Variants in CDA observed in about 807,000 individuals in gnomAD.
CDA encodes cytidine deaminase.
CDA carries 7 observed loss-of-function variants against 15.0 expected under a neutral mutation model. The ratio of observed to expected loss-of-function variants is 0.47; its 90% CI spans 0.26 to 0.87. The LOEUF is 0.87. Ranked by LOEUF, CDA falls within the 40% of genes least tolerant of loss-of-function variation. The probability of loss-of-function intolerance (pLI) is 0.15; values close to 1 mark genes in which losing one functional copy is unlikely to be tolerated. For missense variants in CDA, 159 were observed against 182.7 expected, an observed-to-expected ratio of 0.87 and a Z score of 0.75; for synonymous variants, 58 against 73.0, an observed-to-expected ratio of 0.79 and a Z score of 1.05.
chr1:20,593,106 C>A (rs1452005524), intron 1 of CDA, among the ~76,000 whole-genome samples: 1 of 152,034 alleles, frequency 6.6e-6, no homozygotes, highest in African/African-American at 2.4e-5. Flanking sequence ...AAATAAAAAA[C>A]AAAATAAGAA....
At chr1:20,594,052 A>G (rs1040255542) in intron 1 of CDA, among the ~76,000 whole-genome samples, 1 of 152,206 alleles carries the variant, frequency 6.6e-6, no homozygotes, top group Non-Finnish European at 1.5e-5. Context: ...CTGAGTTTAG[A>G]CACTGTGAGT....
chr1:20,609,867 G>C (rs994149162), intron 2 of CDA, among the ~76,000 whole-genome samples: 1 of 152,120 alleles, frequency 6.6e-6, no homozygotes, highest in African/African-American at 2.4e-5. Context: ...TGTGCCCGTG[G>C]GTTTTTCTTC....
At chr1:20,593,500 T>C (rs1478899882) in intron 1 of CDA, among the ~76,000 whole-genome samples, 1 of 152,156 alleles carries the variant, frequency 6.6e-6, no homozygotes, top group East Asian at 1.9e-4. Context: ...CAGGTCTCTT[T>C]CTCTTGTCCT....
intron 2 of CDA, among the ~76,000 whole-genome samples, chr1:20,609,384 G>A (rs903527708): frequency 6.6e-6 from 1 of 152,168 alleles, no homozygotes; most frequent in Non-Finnish European, 1.5e-5. Context: ...TACTCAGGAG[G>A]CTGAGGCAGG....
At chr1:20,596,124 G>A (rs1228728566) in intron 1 of CDA, among the ~76,000 whole-genome samples, 1 of 152,110 alleles carries the variant, frequency 6.6e-6, no homozygotes, top group Non-Finnish European at 1.5e-5. Context: ...ACTCCAGCCT[G>A]GGTAACAAGA....
At chr1:20,606,062 G>T (rs2052692879) in intron 2 of CDA, among the ~76,000 whole-genome samples, 1 of 125,354 alleles carries the variant, frequency 8.0e-6, no homozygotes, top group Non-Finnish European at 1.8e-5. Context: ...TGGCCCCAAG[G>T]AGACCCAGCT....
chr1:20,612,025 G>T (rs1240542206), intron 2 of CDA, among the ~76,000 whole-genome samples: 2 of 151,870 alleles, frequency 1.3e-5, no homozygotes, highest in Non-Finnish European at 2.9e-5. Flanking sequence ...ACCACACCTG[G>T]CTAATTTTTT....
At position 20,601,939 on chromosome 1, in the gene CDA, G is replaced by A. The variant is rs1013239875; in HGVS notation, c.155-2989G>A. 2.0e-5 allele frequency among the ~76,000 whole-genome samples: 3 copies of A among 151,938 alleles called. No homozygotes were observed. The East Asian group carries it at 5.8e-4, about 29-fold the overall frequency. On this transcript the variant is annotated intron_variant, in intron 1 of 3. Transcript: ENST00000375071. Reference sequence around the variant, plus strand: ...AGCCCAAGAGTTTGAGACTGGCCTGGGCAACCCCATCTCTACAAAAAAATA... The same window carrying A: ...AGCCCAAGAGTTTGAGACTGGCCTGAGCAACCCCATCTCTACAAAAAAATA...
chr1:20,594,380 G>A (rs896640951), intron 1 of CDA, among the ~76,000 whole-genome samples: 5 of 152,086 alleles, frequency 3.3e-5, no homozygotes, highest in Admixed American at 6.5e-5. Context: ...GGGGAGAGCC[G>A]AGGGAGAGGT....
chr1:20,595,119 C>A (rs889180490), intron 1 of CDA, among the ~76,000 whole-genome samples: 1 of 152,160 alleles, frequency 6.6e-6, no homozygotes, highest in South Asian at 2.1e-4. Flanking sequence ...GAGGGTTTAT[C>A]TTCTTCAGCT....
intron 3 of CDA, among the ~76,000 whole-genome samples, chr1:20,616,711 C>T (rs890555994): frequency 2.0e-5 from 3 of 152,130 alleles, no homozygotes; most frequent in Non-Finnish European, 4.4e-5. Flanking sequence ...AAACTGAAAC[C>T]AAATGCAAAT....
At chr1:20,589,433 C>T (rs2052528555) in intron 1 of CDA, 150 bp downstream of exon 1, 2 of 771,486 alleles carry the variant, frequency 2.6e-6, no homozygotes, top group Non-Finnish European at 4.2e-6. Flanking sequence ...TGTTCCTACC[C>T]TGCCGACTGC....
At chr1:20,613,543 A>G (rs1369196243) in intron 2 of CDA, among the ~76,000 whole-genome samples, 1 of 152,222 alleles carries the variant, frequency 6.6e-6, no homozygotes, top group Non-Finnish European at 1.5e-5. Flanking sequence ...GGTTTTTTAC[A>G]TAACAGAGAC....
At chr1:20,614,008 C>G (rs2052780140) in intron 3 of CDA, 109 bp downstream of exon 3, 4 of 967,990 alleles carry the variant, frequency 4.1e-6, no homozygotes, top group Non-Finnish European at 6.6e-6. Context: ...GGAGACACAG[C>G]TACTGTCCTG....
chr1:20,610,274 ATTTTATTTTATTTTTATT>A (rs1557550504), intron 2 of CDA, among the ~76,000 whole-genome samples: 2 of 120,846 alleles, frequency 1.7e-5, no homozygotes, highest in Non-Finnish European at 3.6e-5. Flanking sequence ...TTTTTTTTTT[ATTTTATTTTATTTTTATT>A]TTTATTTATT....
In CDA at chr1:20,596,739, T is replaced by G. The variant is rs145259380; in HGVS notation, c.154+7456T>G. 3.0e-3 allele frequency among the ~76,000 whole-genome samples: 445 copies of G among 149,336 alleles called. 3 individuals carry two copies. The highest frequency in any genetic ancestry group is 0.011 in the African/African-American group (434 of 40,694). ...GGCCCAAATAGCCTCATTGTGAGCT[T>G]CTTTCCCTGTTGATGTCTTTTTTTT... is the stretch of plus-strand genomic sequence containing the variant. On this transcript the variant is annotated intron_variant, in intron 1 of 3. Coordinates refer to ENST00000375071, the MANE Select transcript of CDA (RefSeq NM_001785.3).
Position 20,605,045 on chromosome 1 carries a change from T to C in CDA, c.266+6T>C, listed in dbSNP as rs1251074289. 6.4e-7 allele frequency: 1 copy of C among 1,558,920 alleles called. No individual in the cohort carries two copies. ...AGGGCAATTGCTATCGCCAGGTGAG[T>C]GGGAAAGCCAGGTTGCAACAATATT... is the stretch of plus-strand genomic sequence containing the variant. On this transcript the variant is annotated splice_donor_region_variant and intron_variant, in intron 2 of 3. Coordinates refer to ENST00000375071, the MANE Select transcript of CDA (RefSeq NM_001785.3).
intron 3 of CDA, among the ~76,000 whole-genome samples, chr1:20,615,810 G>A (rs1171394848): frequency 6.6e-6 from 1 of 152,090 alleles, no homozygotes; most frequent in Non-Finnish European, 1.5e-5. Flanking sequence ...AAACCAGCCT[G>A]GGCCACATAG....
At position 20,618,745 on chromosome 1, in the gene CDA, CTT is replaced by C. The variant is rs1002900280; in HGVS notation, c.*178_*179del. 3.2e-6 allele frequency: 2 copies of C among 618,044 alleles called. No homozygotes were observed. The highest frequency in any genetic ancestry group is 1.9e-5 in the African/African-American group (1 of 51,804). 38.3% of individuals were successfully genotyped at this position (618,044 alleles called of 1,614,324 possible). ...CCCCTCCTAGCAACCTGCCTTGGGA[CTT>C]AGAACACCGCCGCCCCCTGCCCCAC... On this transcript the variant is annotated 3_prime_UTR_variant, in exon 4 of 4. Coordinates refer to ENST00000375071, the MANE Select transcript of CDA (RefSeq NM_001785.3).
Sources: gnomAD v4.1 joint callset for allele counts (sites outside exome capture counted in the v4.1 genomes callset) on GRCh38, gnomAD v4.1.1 for gene constraint, MANE v1.5 for transcripts, NCBI Gene and HGNC (gene_info 2026-07-23, HGNC 2026-07-21) for gene names.